WWOX: variants seen among roughly 807,000 people sequenced by gnomAD.
WWOX encodes WW domain-containing oxidoreductase.
WWOX carries 69 observed loss-of-function variants against 46.2 expected under a neutral mutation model. That is an observed-to-expected ratio of 1.49 (90% CI 1.23 to 1.82). The LOEUF (loss-of-function observed/expected upper bound fraction) is 1.82. Ranked by LOEUF, WWOX falls within the 40% of genes most tolerant of loss-of-function variation. The pLI, the probability that WWOX is intolerant of heterozygous loss-of-function variation, is 0.00. For missense variants in WWOX, 919 were observed against 542.6 expected (o/e 1.69, Z -6.89); for synonymous variants, 359 against 202.6 (o/e 1.77, Z -6.56).
In WWOX at chr16:78,159,672, GTTTTTTTTTT is replaced by G. The variant is rs35468343; in HGVS notation, c.410-4497_410-4488del. 9.0e-5 allele frequency among the ~76,000 whole-genome samples: 5 copies of G among 55,384 alleles called. 1 individual carries two copies. Among genetic ancestry groups the G allele is most frequent in the African/African-American group, 1.4e-4 (2 of 14,544 alleles). The allele number at this position is 55,384 out of a possible 152,430, so 36.3% of individuals were successfully genotyped here. ...CCTTTGCTTGTTTTTAAAATCTGTG[GTTTTTTTTTT>G]TTTTTTTTTTTTTGCTATTGGGTTT... On this transcript the variant is annotated intron_variant, in intron 4 of 8. Transcript: ENST00000566780.
intron 8 of WWOX, among the ~76,000 whole-genome samples, chr16:79,067,555 C>T (rs987197987): frequency 3.4e-5 from 5 of 146,536 alleles, no homozygotes. Context: ...TGACCACTGC[C>T]ACATGGAATA....
intron 8 of WWOX, among the ~76,000 whole-genome samples, chr16:78,435,353 C>T (rs56284701): frequency 0.025 from 3,733 of 152,304 alleles, 142 homozygotes; most frequent in African/African-American, 0.084. Flanking sequence ...CTACTGCAGT[C>T]TCTCCTATTT....
intron 5 of WWOX, among the ~76,000 whole-genome samples, chr16:78,170,776 AG>A (rs1386567970): frequency 6.6e-6 from 1 of 152,264 alleles, no homozygotes; most frequent in African/African-American, 2.4e-5. Flanking sequence ...TTAAGGGATT[AG>A]TCATCAGGAA....
chr16:78,414,250 C>T lies in WWOX; in HGVS notation c.606-10620C>T, dbSNP rs143605715. Among the ~76,000 whole-genome samples, 891 of 152,172 alleles carry T rather than the reference C, an allele frequency of 5.9e-3. 9 individuals are homozygous for T. Among genetic ancestry groups the T allele is most frequent in the Middle Eastern group, 0.037 (11 of 294 alleles). ...CTTTGCTGACCCCTTTTTCAAACTCCGTCTGCCTGCACTCAGGTGATTAAA... is the reference window on the plus strand; with the variant it reads ...CTTTGCTGACCCCTTTTTCAAACTCTGTCTGCCTGCACTCAGGTGATTAAA... On this transcript the variant is annotated intron_variant, in intron 6 of 8. Coordinates refer to ENST00000566780, the MANE Select transcript of WWOX (RefSeq NM_016373.4).
At chr16:78,571,713 A>C (rs2151574229) in intron 8 of WWOX, among the ~76,000 whole-genome samples, 1 of 152,248 alleles carries the variant, frequency 6.6e-6, no homozygotes, top group Admixed American at 6.5e-5. Flanking sequence ...TACTAAAAAT[A>C]GAAAATTAGC....
chr16:78,195,897 G>T (rs764408923), intron 5 of WWOX, among the ~76,000 whole-genome samples: 2 of 150,776 alleles, frequency 1.3e-5, no homozygotes, highest in South Asian at 2.1e-4. Context: ...ATTGAATTCC[G>T]TTCCAACTGG....
At chr16:78,417,128 A>C (rs1198237587) in intron 6 of WWOX, among the ~76,000 whole-genome samples, 1 of 151,896 alleles carries the variant, frequency 6.6e-6, no homozygotes, top group Non-Finnish European at 1.5e-5. Context: ...GCTGGAGATC[A>C]GTGGGGTGAT....
chr16:78,933,188 C>T (rs895415092), intron 8 of WWOX, among the ~76,000 whole-genome samples: 2 of 152,224 alleles, frequency 1.3e-5, no homozygotes, highest in Non-Finnish European at 2.9e-5. Flanking sequence ...CCTGTAATCC[C>T]AGCACTTTGG....
At chr16:79,159,340 T>C (rs940359953) in intron 8 of WWOX, among the ~76,000 whole-genome samples, 5 of 152,208 alleles carry the variant, frequency 3.3e-5, no homozygotes, top group Non-Finnish European at 5.9e-5. Flanking sequence ...TTATTAATCA[T>C]TTAATTAGCT....
At position 79,183,839 on chromosome 16, in the gene WWOX, C is replaced by T. The variant is rs557306896; in HGVS notation, c.1057-27769C>T. ...GTTCTGTGCCTCCCAAATTTGTATT[C>T]TTATCTCTGCATCACACTAACACTG... On this transcript the variant is annotated intron_variant, in intron 8 of 8. Coordinates refer to ENST00000566780, the MANE Select transcript of WWOX (RefSeq NM_016373.4). 2.2e-4 allele frequency among the ~76,000 whole-genome samples: 33 copies of T among 152,290 alleles called. No individual in the cohort carries two copies. In the South Asian group the frequency reaches 5.2e-3, roughly 24 times the overall value.
intron 8 of WWOX, among the ~76,000 whole-genome samples, chr16:78,971,756 T>C (rs1401183215): frequency 6.6e-6 from 1 of 151,974 alleles, no homozygotes; most frequent in Non-Finnish European, 1.5e-5. Context: ...GCCTTCTTTT[T>C]GTGCTGTTGG....
chr16:78,603,963 G>A (rs573801733), intron 8 of WWOX, among the ~76,000 whole-genome samples: 87 of 152,034 alleles, frequency 5.7e-4, no homozygotes, highest in African/African-American at 2.0e-3. Flanking sequence ...GTAACATAGG[G>A]AAACCCTTCT....
chr16:79,016,369 C>G (rs561633406), intron 8 of WWOX: 37 of 152,324 alleles, frequency 2.4e-4, no homozygotes, highest in African/African-American at 8.7e-4. Flanking sequence ...TGCATGTTCA[C>G]TCTCTTCCCC....
At chr16:79,102,002 C>T (rs1257692312) in intron 8 of WWOX, among the ~76,000 whole-genome samples, 1 of 140,192 alleles carries the variant, frequency 7.1e-6, no homozygotes, top group Non-Finnish European at 1.5e-5. Context: ...CTTCCTCCTC[C>T]CAGCAGATGA....
intron 8 of WWOX, among the ~76,000 whole-genome samples, chr16:78,622,357 A>C (rs2151645922): frequency 6.6e-6 from 1 of 152,168 alleles, no homozygotes. Flanking sequence ...AGCCTGGCCA[A>C]CATGGTAAAA....
chr16:79,028,909 G>C (rs182102659), intron 8 of WWOX, among the ~76,000 whole-genome samples: 1 of 148,938 alleles, frequency 6.7e-6, no homozygotes, highest in African/African-American at 2.5e-5. Context: ...AAAAAAAAAT[G>C]TTCATAAATT....
At chr16:78,601,341 C>G (rs769716194) in intron 8 of WWOX, among the ~76,000 whole-genome samples, 1 of 151,852 alleles carries the variant, frequency 6.6e-6, no homozygotes, top group Non-Finnish European at 1.5e-5. Context: ...TCTGGAGAGA[C>G]ACTCAGGCTT....
intron 6 of WWOX, among the ~76,000 whole-genome samples, chr16:78,418,661 C>A (rs968209368): frequency 3.9e-5 from 6 of 152,066 alleles, no homozygotes; most frequent in African/African-American, 7.2e-5. Context: ...ATTAAAAAAT[C>A]AGTCAATATA....
intron 8 of WWOX, chr16:79,016,923 C>T (rs945332462): frequency 6.6e-6 from 1 of 152,184 alleles, no homozygotes; most frequent in Admixed American, 6.5e-5. Flanking sequence ...TGGGGTCGAA[C>T]TCCTGACCTC....
Sources: allele counts gnomAD v4.1 joint callset (sites outside exome capture counted in the v4.1 genomes callset), GRCh38; gene constraint gnomAD v4.1.1; transcripts MANE v1.5; gene names NCBI Gene and HGNC (gene_info 2026-07-23, HGNC 2026-07-21).